The following VCL variants were observed in gnomAD, a reference collection of about 807,000 sequenced individuals.
VCL encodes vinculin.
In VCL, 47 loss-of-function variants were observed where a neutral mutation model predicts 125.7. The observed-to-expected ratio is 0.37, with a 90% confidence interval of 0.30 to 0.48. The LOEUF is 0.48. VCL is among the 20% of genes least tolerant of loss of function. The pLI, the probability that VCL is intolerant of heterozygous loss-of-function variation, is 0.99. For missense variants in VCL, 1,069 were observed against 1,455.5 expected, an observed-to-expected ratio of 0.73 and a Z score of 4.32; for synonymous variants, 458 against 514.6, an observed-to-expected ratio of 0.89 and a Z score of 1.49.
intron 1 of VCL, among the ~76,000 whole-genome samples, chr10:74,002,041 C>T (rs1042578940): frequency 2.1e-4 from 32 of 152,266 alleles, no homozygotes; most frequent in Non-Finnish European, 1.5e-5. Context: ...TAGTCATTCA[C>T]TTATCAAGCA....
At chr10:74,093,814 C>A (rs1025570126) in intron 10 of VCL, among the ~76,000 whole-genome samples, 1 of 152,084 alleles carries the variant, frequency 6.6e-6, no homozygotes, top group Non-Finnish European at 1.5e-5. Flanking sequence ...AAACAAAAAA[C>A]AAACAACAAC....
At chr10:74,060,700 G>T (rs1248122018) in intron 2 of VCL, among the ~76,000 whole-genome samples, 1 of 150,872 alleles carries the variant, frequency 6.6e-6, no homozygotes, top group Admixed American at 6.6e-5. Context: ...AAAAAGACTT[G>T]TGGTAGTCTT....
intron 15 of VCL, among the ~76,000 whole-genome samples, chr10:74,104,303 A>G (rs566226856): frequency 2.6e-4 from 40 of 152,304 alleles, no homozygotes; most frequent in Admixed American, 1.1e-3. Context: ...GTGGGTTCAC[A>G]TTTCAAGGAA....
intron 14 of VCL, 68 bp from the exon 15 acceptor site, chr10:74,103,752 C>G (rs985442511): frequency 1.4e-6 from 2 of 1,459,922 alleles, no homozygotes; most frequent in Non-Finnish European, 1.9e-6. Flanking sequence ...GAGGAGAAAG[C>G]TTGGCTGAAG....
rs1243442389 is a variant in VCL, at chr10:74,101,021, C to T, written c.1946C>T (p.Ala649Val). The change falls in exon 14 of 22, where the codon GCG (alanine) becomes GTG (valine). Residue 649 changes from alanine (A) to valine (V), a missense_variant. This residue lies in a region of VCL where 760 missense variants were observed against 928.9 expected (regional missense o/e 0.82). Coordinates refer to ENST00000211998, the MANE Select transcript of VCL (RefSeq NM_014000.3). Reference sequence around the variant, plus strand: ...GGTGCTACGGCCGAGAAGGCGGCTGCGGTTGGTACTGCTAATAAATCAACA... The same window carrying T: ...GGTGCTACGGCCGAGAAGGCGGCTGTGGTTGGTACTGCTAATAAATCAACA... ...KLGATAEKAA[A>V]VGTANKSTVE... 2.5e-6 allele frequency: 4 copies of T among 1,613,748 alleles called. No homozygotes were observed. The highest frequency in any genetic ancestry group is 1.7e-5 in the Admixed American group (1 of 59,976).
At chr10:74,007,786 G>A (rs1168978214) in intron 1 of VCL, among the ~76,000 whole-genome samples, 1 of 151,938 alleles carries the variant, frequency 6.6e-6, no homozygotes, top group Non-Finnish European at 1.5e-5. Context: ...ATGAGCCGCT[G>A]CGCTCAGCCT....
intron 5 of VCL, 27 bp downstream of exon 5, chr10:74,072,879 T>C (rs755127259): frequency 1.9e-5 from 30 of 1,613,720 alleles, no homozygotes; most frequent in Non-Finnish European, 2.4e-5. Flanking sequence ...CTTTATTTTA[T>C]AGGGGGGAAA....
intron 19 of VCL, among the ~76,000 whole-genome samples, chr10:74,112,335 G>C (rs376861822): frequency 6.6e-6 from 1 of 151,648 alleles, no homozygotes; most frequent in Non-Finnish European, 1.5e-5. Context: ...GAAGAGAGAT[G>C]GGGGGGGTCA....
chr10:74,042,873 ATGTT>A (rs765631174), intron 1 of VCL, among the ~76,000 whole-genome samples: 95 of 152,186 alleles, frequency 6.2e-4, no homozygotes, highest in Non-Finnish European at 1.3e-3. Flanking sequence ...ATACAACATT[ATGTT>A]TGTATTCCAT....
At chr10:74,001,292 G>T (rs936346960) in intron 1 of VCL, among the ~76,000 whole-genome samples, 1 of 152,170 alleles carries the variant, frequency 6.6e-6, no homozygotes. Flanking sequence ...GTTCCTGGAG[G>T]TCAAGCCTTG....
In VCL at chr10:74,070,743, C is replaced by T. The variant is rs397517239; in HGVS notation, c.313C>T (p.Arg105Ter). The T allele has an allele frequency of 1.2e-6, 2 of 1,614,032 alleles. No individual in the cohort carries two copies. The highest frequency in any genetic ancestry group is 4.5e-5 in the East Asian group (2 of 44,872). ...LQSDPYSVPARDYLIDGSRGI... is the reference protein window; with the variant it reads ...LQSDPYSVPA ...GTCAGACCCTTACTCAGTGCCTGCTCGAGATTATCTAATTGATGGGTCAAG... is the reference window on the plus strand; with the variant it reads ...GTCAGACCCTTACTCAGTGCCTGCTTGAGATTATCTAATTGATGGGTCAAG... The change falls in exon 3 of 22, where the codon CGA becomes TGA. Residue 105 changes from arginine to a stop codon, truncating the protein, a stop_gained. Transcript: ENST00000211998. LOFTEE classifies it high-confidence loss of function.
intron 15 of VCL, among the ~76,000 whole-genome samples, chr10:74,104,697 A>G (rs1263057215): frequency 6.6e-6 from 1 of 152,184 alleles, no homozygotes. Flanking sequence ...TGAGAGGGAC[A>G]GGGAGAAAAT....
rs546798818 is a variant in VCL, at chr10:74,009,222, C to T, written c.168+10847C>T. Among the ~76,000 whole-genome samples the T allele has an allele frequency of 1.7e-3, 196 of 117,034 alleles. 24 individuals carry two copies. The highest frequency in any genetic ancestry group is 6.6e-3 in the African/African-American group (186 of 28,254). The allele number at this position is 117,034 out of a possible 152,430, so 76.8% of individuals were successfully genotyped here. ...GTCTAGGTGGCTGCTGCTTTCCCCC[C>T]CCCCCCCCGAGCCATTTTAGTATTT... On this transcript the variant is annotated intron_variant, in intron 1 of 21. Coordinates refer to ENST00000211998, the MANE Select transcript of VCL (RefSeq NM_014000.3).
chr10:74,028,110 CT>C (rs1840808473), intron 1 of VCL, among the ~76,000 whole-genome samples: 1 of 152,292 alleles, frequency 6.6e-6, no homozygotes. Flanking sequence ...GGATCTCCCC[CT>C]GTTGCCCAGG....
chr10:74,083,930 C>T (rs7076458), intron 8 of VCL, among the ~76,000 whole-genome samples: 4,871 of 151,742 alleles, frequency 0.032, 267 homozygotes, highest in African/African-American at 0.11. Flanking sequence ...TGCAGTGGCG[C>T]GATCTTGGGT....
chr10:74,001,658 TAGA>T (rs897934691), intron 1 of VCL, among the ~76,000 whole-genome samples: 1 of 152,134 alleles, frequency 6.6e-6, no homozygotes, highest in Non-Finnish European at 1.5e-5. Flanking sequence ...AGAAATATAT[TAGA>T]AGAAGAAATA....
chr10:74,019,599 T>C (rs1235336503), intron 1 of VCL, among the ~76,000 whole-genome samples: 2 of 151,956 alleles, frequency 1.3e-5, no homozygotes, highest in Non-Finnish European at 2.9e-5. Flanking sequence ...CAGGCAGTGG[T>C]AGGAGTGCAG....
At chr10:74,089,152 G>A (rs1394230123) in intron 8 of VCL, 44 bp from the exon 9 acceptor site, 7 of 1,612,780 alleles carry the variant, frequency 4.3e-6, no homozygotes, top group East Asian at 2.2e-5. Flanking sequence ...TTGTCATTAA[G>A]TATTTGAGGG....
chr10:74,112,834 G>A (rs1591718836), intron 19 of VCL, among the ~76,000 whole-genome samples: 1 of 152,264 alleles, frequency 6.6e-6, no homozygotes, highest in Non-Finnish European at 1.5e-5. Flanking sequence ...CAAGAAGAAA[G>A]GCTTTGAAGA....
Sources: gnomAD v4.1 joint callset for allele counts (sites outside exome capture counted in the v4.1 genomes callset) on GRCh38, gnomAD v4.1.1 for gene constraint, gnomAD v4.1.1 regional missense constraint, MANE v1.5 for transcripts, NCBI Gene and HGNC (gene_info 2026-07-23, HGNC 2026-07-21) for gene names.